The following EYA2 variants were observed in gnomAD, a reference collection of about 807,000 sequenced individuals.
EYA2 encodes the protein protein phosphatase EYA2.
EYA2 carries 31 observed loss-of-function variants against 69.2 expected under a neutral mutation model. The ratio of observed to expected loss-of-function variants is 0.45; its 90% CI spans 0.34 to 0.60. The LOEUF is 0.60. Among genes scored for constraint, EYA2 ranks in the 20% least tolerant of loss-of-function variants. The pLI is 0.02. For missense variants in EYA2, 622 were observed against 701.2 expected (o/e 0.89, Z 1.28); for synonymous variants, 257 against 279.4 (o/e 0.92, Z 0.80).
intron 1 of EYA2, among the ~76,000 whole-genome samples, chr20:46,968,466 A>G (rs965046292): frequency 6.6e-6 from 1 of 152,192 alleles, no homozygotes; most frequent in African/African-American, 2.4e-5. Context: ...CTCACGCCCA[A>G]GGGTTGCGGC....
intron 10 of EYA2, chr20:47,161,078 C>A: frequency 3.2e-6 from 1 of 308,420 alleles, no homozygotes; most frequent in East Asian, 9.4e-5. Context: ...CATAGATACC[C>A]GCCATCAGCA....
intron 5 of EYA2, among the ~76,000 whole-genome samples, chr20:47,054,550 T>A (rs2030507005): frequency 6.6e-6 from 1 of 152,054 alleles, no homozygotes; most frequent in South Asian, 2.1e-4. Context: ...AAAAGCCTCC[T>A]CCCCTCTCAG....
chr20:47,117,658 AAAAG>A (rs978970382), intron 9 of EYA2: 2 of 985,464 alleles, frequency 2.0e-6, no homozygotes, highest in Non-Finnish European at 2.4e-6. Flanking sequence ...AAGAAAAAGA[AAAAG>A]AAAACCCGGT....
chr20:47,177,667 A>G (rs1053369175), intron 12 of EYA2, among the ~76,000 whole-genome samples: 5 of 152,242 alleles, frequency 3.3e-5, no homozygotes, highest in Admixed American at 2.0e-4. Context: ...CATAAGGCCC[A>G]GTTTGGACAC....
At chr20:47,020,607 T>A (rs546530140) in intron 5 of EYA2, among the ~76,000 whole-genome samples, 17 of 152,090 alleles carry the variant, frequency 1.1e-4, no homozygotes, top group Admixed American at 9.8e-4. Flanking sequence ...GGGAAAAAAA[T>A]CTCCAGAGTG....
At chr20:47,018,590 A>G (rs1382894261) in intron 5 of EYA2, among the ~76,000 whole-genome samples, 1 of 152,238 alleles carries the variant, frequency 6.6e-6, no homozygotes, top group African/African-American at 2.4e-5. Flanking sequence ...AGGAGGGGCC[A>G]GAGCTGGGCC....
intron 1 of EYA2, among the ~76,000 whole-genome samples, chr20:46,932,975 C>T (rs1241346087): frequency 6.6e-6 from 1 of 152,152 alleles, no homozygotes; most frequent in Non-Finnish European, 1.5e-5. Flanking sequence ...TGTCTTGCTT[C>T]CCCTTTCCCT....
At chr20:47,133,019 G>A (rs1053004530) in intron 9 of EYA2, among the ~76,000 whole-genome samples, 1 of 152,216 alleles carries the variant, frequency 6.6e-6, no homozygotes, top group Admixed American at 6.5e-5. Flanking sequence ...TGCATGCTGA[G>A]TTAAGAATCT....
chr20:47,112,314 G>A (rs2032768023), intron 9 of EYA2, among the ~76,000 whole-genome samples: 1 of 152,126 alleles, frequency 6.6e-6, no homozygotes, highest in African/African-American at 2.4e-5. Context: ...TTAGAGACAG[G>A]GCAGTGAGTA....
chr20:46,933,250 G>A (rs867990648), intron 1 of EYA2, among the ~76,000 whole-genome samples: 10 of 152,280 alleles, frequency 6.6e-5, no homozygotes, highest in African/African-American at 2.2e-4. Flanking sequence ...TGCTGAGAAC[G>A]TAGTAAGGAC....
chr20:47,053,980 CCCATTTGTA>C, intron 5 of EYA2, among the ~76,000 whole-genome samples: 1 of 151,972 alleles, frequency 6.6e-6, no homozygotes, highest in East Asian at 2.0e-4. Flanking sequence ...CCTCAGTTTC[CCCATTTGTA>C]AAATGGGGAT....
chr20:47,109,804 G>A (rs1400003443), intron 9 of EYA2, among the ~76,000 whole-genome samples: 1 of 152,168 alleles, frequency 6.6e-6, no homozygotes, highest in African/African-American at 2.4e-5. Context: ...CCATTTTTGG[G>A]GAATGGGATA....
rs1212536103 is a variant in EYA2 at position 47,148,073 on chromosome 20, A to AAAAAAAAG, written c.978+4925_978+4926insAAAAAAAG. Among the ~76,000 whole-genome samples, 6 of 151,194 alleles carry AAAAAAAAG rather than the reference A, an allele frequency of 4.0e-5. No homozygotes were observed. In the South Asian group the frequency reaches 6.3e-4, roughly 16 times the overall value. ...GACTCTGTCTCAAAAAAAAAAAAAA[A>AAAAAAAAG]GAATAAAAAAAAATGGTCCGGGACA... On this transcript the variant is annotated intron_variant, in intron 10 of 15. Transcript: ENST00000327619.
At chr20:47,099,910 G>T (rs1024602493) in intron 9 of EYA2, among the ~76,000 whole-genome samples, 2 of 152,026 alleles carry the variant, frequency 1.3e-5, no homozygotes, top group Non-Finnish European at 1.5e-5. Context: ...CCAACCACGC[G>T]CAGTACACAG....
At chr20:47,010,104 C>G (rs1389387010) in intron 4 of EYA2, among the ~76,000 whole-genome samples, 1 of 152,150 alleles carries the variant, frequency 6.6e-6, no homozygotes, top group Non-Finnish European at 1.5e-5. Flanking sequence ...CAATCAGCAT[C>G]TTTGTGCATT....
chr20:46,899,833 C>T (rs1192041753), intron 1 of EYA2, among the ~76,000 whole-genome samples: 1 of 152,212 alleles, frequency 6.6e-6, no homozygotes, highest in African/African-American at 2.4e-5. Context: ...TCAGCGCTGT[C>T]ATCGCCTTTG....
At chr20:47,121,594 G>A (rs1012818763) in intron 9 of EYA2, among the ~76,000 whole-genome samples, 1 of 152,108 alleles carries the variant, frequency 6.6e-6, no homozygotes, top group Non-Finnish European at 1.5e-5. Flanking sequence ...TAGGCAGGAG[G>A]ATCACTCGAG....
At chr20:46,921,203 G>A (rs1318098264) in intron 1 of EYA2, among the ~76,000 whole-genome samples, 1 of 152,246 alleles carries the variant, frequency 6.6e-6, no homozygotes, top group Non-Finnish European at 1.5e-5. Flanking sequence ...GCAATGCGCC[G>A]GCCCTCGCCT....
In EYA2 at chr20:47,087,500, C is replaced by G. The variant is rs567638951; in HGVS notation, c.662-1739C>G. On this transcript the variant is annotated intron_variant, in intron 7 of 15. Coordinates refer to ENST00000327619, the MANE Select transcript of EYA2 (RefSeq NM_005244.5). ...CCACTCATTTGCAGACTCACATGGTCCAGTAAGTCACCTCACTAAACCTGA... is the reference window on the plus strand; with the variant it reads ...CCACTCATTTGCAGACTCACATGGTGCAGTAAGTCACCTCACTAAACCTGA... 1.3e-4 allele frequency among the ~76,000 whole-genome samples: 20 copies of G among 152,346 alleles called. No homozygotes were observed. The East Asian group carries it at 2.7e-3, about 21-fold the overall frequency.
Sources: gnomAD v4.1 joint callset for allele counts (sites outside exome capture counted in the v4.1 genomes callset) on GRCh38, gnomAD v4.1.1 for gene constraint, MANE v1.5 for transcripts, NCBI Gene and HGNC (gene_info 2026-07-23, HGNC 2026-07-21) for gene names.